Variants in CLSTN2 observed in about 807,000 individuals in gnomAD.
CLSTN2 encodes the protein calsyntenin-2.
In CLSTN2, 48 loss-of-function variants were observed where a neutral mutation model predicts 101.2. The ratio of observed to expected loss-of-function variants is 0.47; its 90% CI spans 0.38 to 0.60. The LOEUF (loss-of-function observed/expected upper bound fraction) is 0.60, where lower values mean the gene tolerates loss of function less well. Ranked by LOEUF, CLSTN2 falls within the 20% of genes least tolerant of loss-of-function variation. The pLI is 0.00. For synonymous variants in CLSTN2, 481 were observed against 463.6 expected, an observed-to-expected ratio of 1.04 and a Z score of -0.48; for missense variants, 1,160 against 1,238.2, an observed-to-expected ratio of 0.94 and a Z score of 0.95.
At chr3:139,986,814 C>T (rs563579895) in intron 1 of CLSTN2, among the ~76,000 whole-genome samples, 1 of 152,260 alleles carries the variant, frequency 6.6e-6, no homozygotes, top group African/African-American at 2.4e-5. Context: ...CACAAAGTAC[C>T]AGAGAGCTGG....
intron 1 of CLSTN2, among the ~76,000 whole-genome samples, chr3:139,967,856 A>G (rs1405925041): frequency 6.6e-6 from 1 of 152,184 alleles, no homozygotes. Flanking sequence ...ATGTGCAGGC[A>G]GAAACTACCC....
intron 1 of CLSTN2, among the ~76,000 whole-genome samples, chr3:139,956,000 T>C (rs1305395184): frequency 6.6e-6 from 1 of 152,178 alleles, no homozygotes; most frequent in Non-Finnish European, 1.5e-5. Context: ...CAGCTAACAC[T>C]TGATGAGCAC....
intron 1 of CLSTN2, among the ~76,000 whole-genome samples, chr3:139,942,799 T>C (rs1345562253): frequency 6.6e-6 from 1 of 152,186 alleles, no homozygotes. Context: ...GCCAGTGTGG[T>C]GAGCTAGGTG....
intron 2 of CLSTN2, among the ~76,000 whole-genome samples, chr3:140,187,040 A>G (rs976552961): frequency 1.3e-5 from 2 of 152,240 alleles, no homozygotes; most frequent in African/African-American, 4.8e-5. Flanking sequence ...CTTTGTCCCC[A>G]AATCCACTGC....
intron 2 of CLSTN2, among the ~76,000 whole-genome samples, chr3:140,269,655 C>G (rs375227281): frequency 6.6e-6 from 1 of 152,144 alleles, no homozygotes; most frequent in Admixed American, 6.5e-5. Context: ...TGTGCATAGC[C>G]CCACTTCTTG....
At chr3:140,463,263 G>T (rs933559829) in intron 7 of CLSTN2, among the ~76,000 whole-genome samples, 1 of 152,208 alleles carries the variant, frequency 6.6e-6, no homozygotes, top group Admixed American at 6.5e-5. Context: ...CTGTCTCTGA[G>T]TTTGAACTGA....
chr3:140,055,996 G>T (rs1025176), intron 1 of CLSTN2, among the ~76,000 whole-genome samples: 1 of 151,508 alleles, frequency 6.6e-6, no homozygotes, highest in Admixed American at 6.6e-5. Context: ...TGAGGAGGCT[G>T]GATTGGAGAG....
intron 1 of CLSTN2, among the ~76,000 whole-genome samples, chr3:140,009,111 G>C (rs943866983): frequency 6.6e-6 from 1 of 152,208 alleles, no homozygotes; most frequent in Non-Finnish European, 1.5e-5. Context: ...GAATGGACTT[G>C]TCTTGGACAA....
intron 2 of CLSTN2, among the ~76,000 whole-genome samples, chr3:140,188,949 C>A (rs1227638588): frequency 6.6e-6 from 1 of 152,178 alleles, no homozygotes; most frequent in East Asian, 1.9e-4. Flanking sequence ...TCTCCTTAAC[C>A]CTTGGCAACA....
At chr3:140,313,160 C>G (rs899441637) in intron 2 of CLSTN2, among the ~76,000 whole-genome samples, 3 of 152,052 alleles carry the variant, frequency 2.0e-5, no homozygotes, top group Non-Finnish European at 4.4e-5. Context: ...AGAAAAGTCC[C>G]CCCCAAAAAA....
chr3:139,980,127 C>G lies in CLSTN2; in HGVS notation c.109+44644C>G, dbSNP rs1047336134. Among the ~76,000 whole-genome samples the G allele has an allele frequency of 5.9e-5, 9 of 152,206 alleles. No individual in the cohort carries two copies. The East Asian group carries it at 1.7e-3, about 29-fold the overall frequency. ...ATGACTGCAGTAGTCTCCTGATAGT[C>G]TCTTTGTTCCCACCCTAGGCCCCCA... On this transcript the variant is annotated intron_variant, in intron 1 of 16. Transcript: ENST00000458420.
In CLSTN2 at chr3:140,490,088, G is replaced by GCACA. The variant is rs1559884879; in HGVS notation, c.1344+23357_1344+23358insCACA. On this transcript the variant is annotated intron_variant, in intron 8 of 16. Coordinates refer to ENST00000458420, the MANE Select transcript of CLSTN2 (RefSeq NM_022131.3). ...TGTGTGTGTGTGTGTGTGTGTGTGT[G>GCACA]TATATATATATATATATATATATAT... is the stretch of plus-strand genomic sequence containing the variant. Among the ~76,000 whole-genome samples, 3 of 8,152 alleles carry GCACA rather than the reference G, an allele frequency of 3.7e-4. No homozygotes were observed. The Admixed American group carries it at 5.6e-3, about 15-fold the overall frequency. The allele number at this position is 8,152 out of a possible 152,430, so 5.3% of individuals were successfully genotyped here.
intron 1 of CLSTN2, among the ~76,000 whole-genome samples, chr3:140,043,788 T>C (rs1278208618): frequency 1.3e-5 from 2 of 152,254 alleles, no homozygotes; most frequent in Non-Finnish European, 2.9e-5. Context: ...GGGAATCCTT[T>C]CCCCATTTCT....
chr3:139,967,133 C>T (rs1286041251), intron 1 of CLSTN2, among the ~76,000 whole-genome samples: 1 of 152,110 alleles, frequency 6.6e-6, no homozygotes, highest in Non-Finnish European at 1.5e-5. Context: ...AAACACCTGC[C>T]CCTGTCCATG....
intron 1 of CLSTN2, among the ~76,000 whole-genome samples, chr3:139,990,032 A>G (rs1936090938): frequency 6.6e-6 from 1 of 152,236 alleles, no homozygotes; most frequent in Admixed American, 6.5e-5. Context: ...GTAAACCGAA[A>G]TAGCCCATCC....
rs747777857 is a variant in CLSTN2 at position 140,459,717 on chromosome 3, C to G, written c.1170C>G (p.Ser390Arg). 6.2e-7 allele frequency: 1 copy of G among 1,614,120 alleles called. No individual in the cohort carries two copies. The highest frequency in any genetic ancestry group is 1.7e-5 in the Admixed American group (1 of 60,018). The change falls in exon 7 of 17, where the codon AGC becomes AGG. Residue 390 changes from serine to arginine, a missense_variant. Transcript: ENST00000458420. The part of the protein sequence containing the change: ...TITMWMKHGP[S>R]PGVRAEKETI... ...CCATGTGGATGAAACACGGCCCCAG[C>G]CCTGGTGTGAGAGCCGAGAAGGAAA... is the stretch of plus-strand genomic sequence containing the variant.
At chr3:140,222,919 C>T (rs889409009) in intron 2 of CLSTN2, among the ~76,000 whole-genome samples, 2 of 149,256 alleles carry the variant, frequency 1.3e-5, no homozygotes, top group African/African-American at 2.5e-5. Context: ...CTCCTAAATG[C>T]CTTATATCTT....
chr3:140,326,778 A>T (rs937561499), intron 2 of CLSTN2, among the ~76,000 whole-genome samples: 4 of 152,156 alleles, frequency 2.6e-5, no homozygotes, highest in Non-Finnish European at 2.9e-5. Flanking sequence ...TTTTGCTCCC[A>T]CATTTCCAGA....
chr3:140,407,820 CAGT>C (rs1402454931), intron 4 of CLSTN2, among the ~76,000 whole-genome samples: 1 of 152,186 alleles, frequency 6.6e-6, no homozygotes, highest in Non-Finnish European at 1.5e-5. Flanking sequence ...AACACTGTCA[CAGT>C]GGTGATAGAG....
Sources: gnomAD v4.1 joint callset for allele counts (sites outside exome capture counted in the v4.1 genomes callset) on GRCh38, gnomAD v4.1.1 for gene constraint, MANE v1.5 for transcripts, NCBI Gene and HGNC (gene_info 2026-07-23, HGNC 2026-07-21) for gene names.